The following HMOX2 variants were observed in gnomAD, a reference collection of about 807,000 sequenced individuals.
HMOX2 encodes the protein heme oxygenase 2.
In HMOX2, 30 loss-of-function variants were observed where a neutral mutation model predicts 33.7. That is an observed-to-expected ratio of 0.89 (90% CI 0.67 to 1.21). The LOEUF (loss-of-function observed/expected upper bound fraction) is 1.21, where lower values mean the gene tolerates loss of function less well. HMOX2 is among the 50% of genes most tolerant of loss of function. HMOX2 has a pLI of 0.00. For synonymous variants in HMOX2, 155 were observed against 155.0 expected (o/e 1.00, Z 0.00); for missense variants, 403 against 399.1 (o/e 1.01, Z -0.08).
chr16:4,490,747 A>G (rs1240334615), intron 1 of HMOX2, among the ~76,000 whole-genome samples: 2 of 152,108 alleles, frequency 1.3e-5, no homozygotes, highest in Non-Finnish European at 2.9e-5. Flanking sequence ...TATATAAGGG[A>G]TATTTGATAA....
intron 1 of HMOX2, among the ~76,000 whole-genome samples, chr16:4,477,009 C>G (rs915043727): frequency 5.9e-5 from 9 of 152,210 alleles, no homozygotes; most frequent in African/African-American, 1.7e-4. Context: ...GGTGTCGTGA[C>G]TTCACGAGTG....
intron 1 of HMOX2, among the ~76,000 whole-genome samples, chr16:4,500,435 C>G (rs780246108): frequency 1.9e-4 from 29 of 152,010 alleles, no homozygotes; most frequent in Non-Finnish European, 3.7e-4. Flanking sequence ...TGGTCACTGT[C>G]AAGTGTCACT....
upstream of HMOX2, among the ~76,000 whole-genome samples, chr16:4,475,709 G>A (rs1012462721): frequency 6.6e-6 from 1 of 151,806 alleles, no homozygotes; most frequent in African/African-American, 2.4e-5. Context: ...AGGCCGAGGC[G>A]GGTGGATCAC....
intron 1 of HMOX2, among the ~76,000 whole-genome samples, chr16:4,482,550 A>C (rs533869205): frequency 5.6e-4 from 85 of 152,282 alleles, no homozygotes; most frequent in Non-Finnish European, 1.0e-3. Flanking sequence ...CAGTCCCACA[A>C]AACTGTCCCA....
intron 1 of HMOX2, among the ~76,000 whole-genome samples, chr16:4,492,378 A>G (rs959531185): frequency 1.3e-5 from 2 of 151,944 alleles, no homozygotes; most frequent in Non-Finnish European, 2.9e-5. Context: ...AGGGTCACAG[A>G]CTTTGAGTTG....
At chr16:4,482,307 G>C (rs1447791673) in intron 1 of HMOX2, among the ~76,000 whole-genome samples, 1 of 152,090 alleles carries the variant, frequency 6.6e-6, no homozygotes, top group African/African-American at 2.4e-5. Context: ...ATGCTTTTCT[G>C]TCTTTGCTTG....
At chr16:4,482,422 G>T (rs1168188163) in intron 1 of HMOX2, among the ~76,000 whole-genome samples, 1 of 152,134 alleles carries the variant, frequency 6.6e-6, no homozygotes, top group Non-Finnish European at 1.5e-5. Context: ...ATATATGGGA[G>T]TTGTTTCCCC....
intron 1 of HMOX2, chr16:4,502,633 G>C (rs1479999701): frequency 6.6e-6 from 1 of 152,218 alleles, no homozygotes; most frequent in Non-Finnish European, 1.5e-5. Flanking sequence ...TTTCTCTGCT[G>C]CCTGAGAACT....
chr16:4,495,699 G>A (rs1056153670), intron 1 of HMOX2: 6 of 152,172 alleles, frequency 3.9e-5, no homozygotes, highest in African/African-American at 1.4e-4. Flanking sequence ...ATTTCAGTAG[G>A]CAGAAAGATA....
At chr16:4,484,243 G>A (rs2058106372) in intron 1 of HMOX2, among the ~76,000 whole-genome samples, 1 of 152,006 alleles carries the variant, frequency 6.6e-6, no homozygotes, top group Non-Finnish European at 1.5e-5. Context: ...CAAAGTGCTG[G>A]GATTACAGGC....
chr16:4,504,301 G>A (rs1213992613), intron 1 of HMOX2, among the ~76,000 whole-genome samples: 3 of 151,266 alleles, frequency 2.0e-5, no homozygotes, highest in Non-Finnish European at 4.4e-5. Flanking sequence ...TGCTTGCCAA[G>A]CTTTTTGTTT....
chr16:4,506,720 C>T (rs1353946553), intron 2 of HMOX2, among the ~76,000 whole-genome samples, 175 bp from the exon 3 acceptor site: 1 of 152,192 alleles, frequency 6.6e-6, no homozygotes, highest in African/African-American at 2.4e-5. Flanking sequence ...TCTGCTTGTC[C>T]TGTGTTCCCT....
At chr16:4,484,150 ATTTT>A (rs1555496341) in intron 1 of HMOX2, among the ~76,000 whole-genome samples, 1 of 150,816 alleles carries the variant, frequency 6.6e-6, no homozygotes, top group Non-Finnish European at 1.5e-5. Context: ...AATTTTTTGT[ATTTT>A]TAGTAGAGAC....
chr16:4,504,501 C>CA (rs1316457796), intron 1 of HMOX2, among the ~76,000 whole-genome samples: 1 of 150,540 alleles, frequency 6.6e-6, no homozygotes, highest in African/African-American at 2.4e-5. Context: ...GCTGGGATTA[C>CA]AGGCACGCGC....
chr16:4,478,036 C>G (rs1340986705), intron 1 of HMOX2, among the ~76,000 whole-genome samples: 1 of 152,190 alleles, frequency 6.6e-6, no homozygotes, highest in Non-Finnish European at 1.5e-5. Flanking sequence ...ATAAAACATT[C>G]AGGTTTAAAC....
chr16:4,479,986 A>C (rs2057976091), intron 1 of HMOX2, among the ~76,000 whole-genome samples: 1 of 149,878 alleles, frequency 6.7e-6, no homozygotes, highest in African/African-American at 2.5e-5. Context: ...TGATCCGTCC[A>C]CCTTGGCCTC....
chr16:4,510,174 T>C lies in HMOX2; in HGVS notation c.*418T>C, dbSNP rs373994370. On this transcript the variant is annotated 3_prime_UTR_variant, in exon 6 of 6. Coordinates refer to ENST00000570646, the MANE Select transcript of HMOX2 (RefSeq NM_002134.4). ...TGCTGTACAACTTCTGGGCCTCTCTTGGACCCTGGGAGTGAGGGTGGGTGT... is the reference window on the plus strand; with the variant it reads ...TGCTGTACAACTTCTGGGCCTCTCTCGGACCCTGGGAGTGAGGGTGGGTGT... The C allele has an allele frequency of 5.0e-4, 96 of 191,466 alleles. No homozygotes were observed. The East Asian group carries it at 8.6e-3, about 17-fold the overall frequency. 11.9% of individuals were successfully genotyped at this position (191,466 alleles called of 1,614,324 possible).
chr16:4,508,702 A>G (rs984811454), intron 4 of HMOX2, among the ~76,000 whole-genome samples: 4 of 152,086 alleles, frequency 2.6e-5, no homozygotes, highest in African/African-American at 9.7e-5. Context: ...ACTCAGGATG[A>G]GTATGCCCTG....
At chr16:4,506,083 T>TA (rs754501961) in intron 2 of HMOX2, among the ~76,000 whole-genome samples, 19 of 152,326 alleles carry the variant, frequency 1.2e-4, no homozygotes, top group East Asian at 3.9e-4. Context: ...GTTTTTTTTT[T>TA]ATCCCTTGAA....
Sources: gnomAD v4.1 joint callset for allele counts (sites outside exome capture counted in the v4.1 genomes callset) on GRCh38, gnomAD v4.1.1 for gene constraint, MANE v1.5 for transcripts, NCBI Gene and HGNC (gene_info 2026-07-23, HGNC 2026-07-21) for gene names.